The following PRSS35 variants were observed in gnomAD, a reference collection of about 807,000 sequenced individuals.
PRSS35 encodes the protein serine protease 35, also known as inactive serine protease 35.
Under a neutral mutation model 8.1 loss-of-function variants are expected in PRSS35, and 7 were observed. That is an observed-to-expected ratio of 0.86 (90% CI 0.49 to 1.62). PRSS35 has a LOEUF of 1.62. Among genes scored for constraint, PRSS35 ranks in the 40% most tolerant of loss-of-function variants. PRSS35 has a pLI of 0.00. For synonymous variants in PRSS35, 199 were observed against 188.7 expected (o/e 1.05, Z -0.45); for missense variants, 566 against 518.0 (o/e 1.09, Z -0.90).
chr6:83,515,694 C>T (rs1036393561), intron 1 of PRSS35, among the ~76,000 whole-genome samples: 2 of 152,170 alleles, frequency 1.3e-5, no homozygotes, highest in African/African-American at 4.8e-5. Flanking sequence ...GTTGCCCAGG[C>T]TACTCTCAAA....
At chr6:83,516,500 T>C (rs138643886) in intron 1 of PRSS35, among the ~76,000 whole-genome samples, 8,565 of 142,414 alleles carry the variant, frequency 0.06, 357 homozygotes, top group Non-Finnish European at 0.087. Context: ...GGCGTGAACC[T>C]GGGAGGCGGA....
In PRSS35 at chr6:83,517,473, A is replaced by G. The variant is rs111312958; in HGVS notation, c.-21+4779A>G. ...TCTGTTCCCCCAAATAAAACTGACT[A>G]TGAAAGTTTTTACAATTGTCATCCA... On this transcript the variant is annotated intron_variant, in intron 1 of 1. Transcript: ENST00000369700. 5.6e-3 allele frequency among the ~76,000 whole-genome samples: 853 copies of G among 152,314 alleles called. 11 individuals carry two copies. Among genetic ancestry groups the G allele is most frequent in the African/African-American group, 0.017 (701 of 41,552 alleles).
chr6:83,523,452 T>C lies in PRSS35; in HGVS notation c.11T>C (p.Met4Thr). The C allele has an allele frequency of 6.2e-6, 10 of 1,609,662 alleles. No homozygotes were observed. The highest frequency in any genetic ancestry group is 8.5e-6 in the Non-Finnish European group (10 of 1,178,256). The change falls in exon 2 of 2, where the codon ATG (methionine) becomes ACG (threonine). Residue 4 changes from methionine (M) to threonine (T), a missense_variant. Coordinates refer to ENST00000369700, the MANE Select transcript of PRSS35 (RefSeq NM_153362.3). ...AATTAGAAGATCAAAATGGAAAATA[T>C]GCTGCTTTGGTTGATATTTTTCACC... is the stretch of plus-strand genomic sequence containing the variant. MEN[M>T]LLWLIFFTPG...
At position 83,525,046 on chromosome 6, in the gene PRSS35, A is replaced by C. The variant is rs1202549160; in HGVS notation, c.*363A>C. 4.9e-6 allele frequency: 1 copy of C among 202,350 alleles called. No individual in the cohort carries two copies. The highest frequency in any genetic ancestry group is 1.1e-5 in the Non-Finnish European group (1 of 90,788). 12.5% of individuals were successfully genotyped at this position (202,350 alleles called of 1,614,324 possible). On this transcript the variant is annotated 3_prime_UTR_variant, in exon 2 of 2. Coordinates refer to ENST00000369700, the MANE Select transcript of PRSS35 (RefSeq NM_153362.3). The stretch of plus-strand genomic sequence containing the variant: ...AGGGTCCTACTCTAAGAAGAATCTA[A>C]TAGGATGCTGGTTGTGTATTAAATG...
chr6:83,519,638 G>C (rs1771786086), intron 1 of PRSS35, among the ~76,000 whole-genome samples: 3 of 152,182 alleles, frequency 2.0e-5, no homozygotes, highest in Admixed American at 6.5e-5. Flanking sequence ...TTTTCCAAAA[G>C]AAAGTGTCTT....
At chr6:83,514,741 G>C (rs1285858897) in intron 1 of PRSS35, among the ~76,000 whole-genome samples, 1 of 152,176 alleles carries the variant, frequency 6.6e-6, no homozygotes. Context: ...CAGTGCTGTA[G>C]GTCATGCTGG....
At chr6:83,519,444 G>A (rs1771779264) in intron 1 of PRSS35, among the ~76,000 whole-genome samples, 1 of 152,188 alleles carries the variant, frequency 6.6e-6, no homozygotes, top group African/African-American at 2.4e-5. Flanking sequence ...GCCAAGGGAT[G>A]TTAGACTTTC....
In PRSS35 at chr6:83,524,292, G is replaced by A. The variant is rs113543482; in HGVS notation, c.851G>A (p.Arg284His). ...GACTATGCTCTTCTGGAGCTGAAGC[G>A]TGCTCACAAAAAGAAATACATGGAA... Reference protein sequence around the residue: ...DYDYALLELKRAHKKKYMELG... With the variant: ...DYDYALLELKHAHKKKYMELG... Residue 284 changes from arginine to histidine, a missense_variant, in exon 2 of 2, where the codon CGT (arginine) becomes CAT (histidine). By Grantham distance (29) the Arg-to-His change is conservative. Transcript: ENST00000369700. The A allele has an allele frequency of 1.9e-6, 3 of 1,614,122 alleles. No individual in the cohort carries two copies. Among genetic ancestry groups the A allele is most frequent in the Non-Finnish European group, 2.5e-6 (3 of 1,180,026 alleles).
At chr6:83,516,593 AAAG>A (rs1476831746) in intron 1 of PRSS35, among the ~76,000 whole-genome samples, 5 of 149,346 alleles carry the variant, frequency 3.3e-5, no homozygotes, top group Admixed American at 6.6e-5. Flanking sequence ...AAAAAAAAAA[AAAG>A]AAATCTGAAG....
Position 83,523,555 on chromosome 6 carries a change from C to G in PRSS35, c.114C>G (p.Val38=). The change falls in exon 2 of 2, where the codon GTC becomes GTG. Residue 38 remains valine (V), a synonymous_variant. Coordinates refer to ENST00000369700, the MANE Select transcript of PRSS35 (RefSeq NM_153362.3). The part of the protein sequence containing the change: ...MWHLRKVPRI[V]SERTFHLTSP... The stretch of plus-strand genomic sequence containing the variant: ...ACTTGAGAAAGGTACCCCGGATTGT[C>G]AGTGAAAGGACTTTCCATCTCACCA... The G allele has an allele frequency of 6.2e-7, 1 of 1,614,138 alleles. No homozygotes were observed. Among genetic ancestry groups the G allele is most frequent in the South Asian group, 1.1e-5 (1 of 91,086 alleles).
chr6:83,519,611 CA>C (rs1208820013), intron 1 of PRSS35, among the ~76,000 whole-genome samples: 8 of 152,190 alleles, frequency 5.3e-5, no homozygotes, highest in African/African-American at 1.9e-4. Context: ...GACATTTTAC[CA>C]CAAGACAAAC....
rs78311351 is a variant in PRSS35, at chr6:83,516,110, C to T, written c.-21+3416C>T. ...GATTACAGGTGTGAGCCACAGCCTCCGCCACTCCCTACTACTACTTTCTTT... is the reference window on the plus strand; with the variant it reads ...GATTACAGGTGTGAGCCACAGCCTCTGCCACTCCCTACTACTACTTTCTTT... On this transcript the variant is annotated intron_variant, in intron 1 of 1. Transcript: ENST00000369700. Among the ~76,000 whole-genome samples the T allele has an allele frequency of 6.9e-3, 1,047 of 152,016 alleles. 14 individuals carry two copies. The highest frequency in any genetic ancestry group is 0.023 in the African/African-American group (971 of 41,470).
intron 1 of PRSS35, among the ~76,000 whole-genome samples, chr6:83,519,136 A>G (rs1254971708): frequency 6.6e-6 from 1 of 152,222 alleles, no homozygotes; most frequent in Non-Finnish European, 1.5e-5. Context: ...AAGTGTGGTC[A>G]CTTCTATTAA....
chr6:83,518,351 A>G (rs1398696415), intron 1 of PRSS35, among the ~76,000 whole-genome samples: 2 of 152,166 alleles, frequency 1.3e-5, no homozygotes, highest in Non-Finnish European at 2.9e-5. Context: ...TAGAGTAATT[A>G]TGTTGACATA....
In PRSS35 at chr6:83,524,107, T is replaced by G. The variant is rs1398690988; in HGVS notation, c.666T>G (p.His222Gln). ...GGDQREGTRE[H>Q]LRERAKGGRR... ...ACCAAAGAGAGGGTACCAGAGAGCATCTGCGGGAGAGAGCGAAGGGTGGGA... is the reference window on the plus strand; with the variant it reads ...ACCAAAGAGAGGGTACCAGAGAGCAGCTGCGGGAGAGAGCGAAGGGTGGGA... The change falls in exon 2 of 2, where the codon CAT becomes CAG. Residue 222 changes from histidine (H) to glutamine (Q), a missense_variant. His to Gln is a conservative substitution (Grantham distance 24). Transcript: ENST00000369700. 2 of 1,613,832 alleles carry G rather than the reference T, an allele frequency of 1.2e-6. No individual in the cohort carries two copies. Among genetic ancestry groups the G allele is most frequent in the South Asian group, 2.2e-5 (2 of 91,064 alleles).
At position 83,523,403 on chromosome 6, in the gene PRSS35, C is replaced by G; in HGVS notation, c.-20-19C>G. 6.5e-7 allele frequency: 1 copy of G among 1,546,602 alleles called. No homozygotes were observed. Among genetic ancestry groups the G allele is most frequent in the Non-Finnish European group, 8.8e-7 (1 of 1,136,948 alleles). ...TAAAAAGGAAACATTATAAACCTCT[C>G]TCTTTTTCTATTTTTAAGGACAAAA... is the stretch of plus-strand genomic sequence containing the variant. On this transcript the variant is annotated intron_variant, in intron 1 of 1. Transcript: ENST00000369700.
chr6:83,513,554 A>T (rs1455742725), intron 1 of PRSS35, among the ~76,000 whole-genome samples: 1 of 152,218 alleles, frequency 6.6e-6, no homozygotes. Context: ...GGAGAATTAT[A>T]CTTAGAATCT....
At position 83,523,500 on chromosome 6, in the gene PRSS35, G is replaced by C; in HGVS notation, c.59G>C (p.Gly20Ala). 1.9e-6 allele frequency: 3 copies of C among 1,614,146 alleles called. No homozygotes were observed. Among genetic ancestry groups the C allele is most frequent in the Non-Finnish European group, 2.5e-6 (3 of 1,180,020 alleles). The change falls in exon 2 of 2, where the codon GGA becomes GCA. Residue 20 changes from glycine (G) to alanine (A), a missense_variant. Coordinates refer to ENST00000369700, the MANE Select transcript of PRSS35 (RefSeq NM_153362.3). ...ACCCCTGGGTGGACCCTCATTGATG[G>C]ATCTGAAATGGAATGGGATTTTATG... ...FFTPGWTLID[G>A]SEMEWDFMWH...
chr6:83,524,880 A>G lies in PRSS35; in HGVS notation c.*197A>G. On this transcript the variant is annotated 3_prime_UTR_variant, in exon 2 of 2. Transcript: ENST00000369700. ...ATATTGAAACTAGGTGGGCACTTCA[A>G]TGCCAAGTATATACTCTTCTTTACA... 1.7e-6 allele frequency: 1 copy of G among 598,772 alleles called. No individual in the cohort carries two copies. The highest frequency in any genetic ancestry group is 2.9e-6 in the Non-Finnish European group (1 of 344,348). 37.1% of individuals were successfully genotyped at this position (598,772 alleles called of 1,614,324 possible). A position where few individuals can be genotyped will look rare whatever the true frequency, so the allele number is the denominator to read the frequency against.
Sources: allele counts gnomAD v4.1 joint callset (sites outside exome capture counted in the v4.1 genomes callset), GRCh38; gene constraint gnomAD v4.1.1; transcripts MANE v1.5; gene names NCBI Gene and HGNC (gene_info 2026-07-23, HGNC 2026-07-21).